The following VRK1 variants were observed in gnomAD, a reference collection of about 807,000 sequenced individuals.
VRK1 encodes VRK serine/threonine kinase 1.
VRK1 carries 33 observed loss-of-function variants against 57.1 expected under a neutral mutation model. That is an observed-to-expected ratio of 0.58 (90% CI 0.44 to 0.77). The LOEUF (loss-of-function observed/expected upper bound fraction) is 0.77. Ranked by LOEUF, VRK1 falls within the 30% of genes least tolerant of loss-of-function variation. The pLI is 0.00. For synonymous variants in VRK1, 137 were observed against 147.8 expected (o/e 0.93, Z 0.53); for missense variants, 413 against 477.3 (o/e 0.87, Z 1.25).
At chr14:96,836,491 A>G (rs1887217723) in intron 2 of VRK1, among the ~76,000 whole-genome samples, 1 of 148,174 alleles carries the variant, frequency 6.7e-6, no homozygotes, top group Non-Finnish European at 1.5e-5. Context: ...TTTTCCAAAC[A>G]TGTCAAGCAC....
intron 11 of VRK1, among the ~76,000 whole-genome samples, chr14:96,872,709 G>GT (rs1209919672): frequency 6.6e-6 from 1 of 152,014 alleles, no homozygotes; most frequent in Non-Finnish European, 1.5e-5. Context: ...CCTAGCTTCA[G>GT]TTTTTTCTGT....
chr14:96,847,588 A>G (rs142433665), intron 5 of VRK1, among the ~76,000 whole-genome samples: 174 of 152,302 alleles, frequency 1.1e-3, no homozygotes, highest in African/African-American at 4.0e-3. Context: ...GCAGAGCAGT[A>G]TCAACTGACT....
intron 12 of VRK1, among the ~76,000 whole-genome samples, chr14:96,878,576 G>A (rs1350601822): frequency 2.0e-5 from 3 of 152,154 alleles, no homozygotes; most frequent in South Asian, 4.1e-4. Flanking sequence ...TTTTAAAAAT[G>A]TGTATAATTT....
At chr14:96,856,704 C>G in intron 10 of VRK1, 118 bp downstream of exon 10, 1 of 871,816 alleles carries the variant, frequency 1.1e-6, no homozygotes, top group Non-Finnish European at 1.9e-6. Flanking sequence ...CATGGTGGCT[C>G]ACACCTGTAA....
intron 11 of VRK1, among the ~76,000 whole-genome samples, chr14:96,874,672 G>A (rs1171862135): frequency 6.6e-6 from 1 of 152,192 alleles, no homozygotes; most frequent in African/African-American, 2.4e-5. Context: ...AACATGGTGG[G>A]TATCTCTGAG....
intron 1 of VRK1, among the ~76,000 whole-genome samples, chr14:96,818,903 G>T (rs565150003): frequency 6.6e-6 from 1 of 152,310 alleles, no homozygotes; most frequent in African/African-American, 2.4e-5. Flanking sequence ...TCACTGGGAA[G>T]TGGCTTTATA....
At chr14:96,863,695 C>T (rs1312380971) in intron 11 of VRK1, among the ~76,000 whole-genome samples, 1 of 152,084 alleles carries the variant, frequency 6.6e-6, no homozygotes, top group Non-Finnish European at 1.5e-5. Context: ...TTCTTTCCTT[C>T]TCTATTTTAC....
intron 10 of VRK1, among the ~76,000 whole-genome samples, chr14:96,857,213 C>T (rs1888198144): frequency 6.6e-6 from 1 of 151,354 alleles, no homozygotes. Context: ...TTATATGTTC[C>T]CCCTGGTTAG....
intron 1 of VRK1, among the ~76,000 whole-genome samples, chr14:96,808,924 T>C (rs968298397): frequency 2.6e-5 from 4 of 152,220 alleles, no homozygotes; most frequent in Admixed American, 6.5e-5. Context: ...CCTACAATGC[T>C]TGGGGTCTAG....
chr14:96,799,278 A>G (rs988888372), intron 1 of VRK1, among the ~76,000 whole-genome samples: 2 of 152,236 alleles, frequency 1.3e-5, no homozygotes, highest in African/African-American at 2.4e-5. Context: ...AATGCATTCA[A>G]AATGTTGACA....
chr14:96,821,487 C>T (rs1886595308), intron 1 of VRK1, among the ~76,000 whole-genome samples: 1 of 152,110 alleles, frequency 6.6e-6, no homozygotes, highest in South Asian at 2.1e-4. Flanking sequence ...TTATTCTATA[C>T]CCCTCTGTTT....
intron 11 of VRK1, among the ~76,000 whole-genome samples, chr14:96,861,754 T>C (rs1456535846): frequency 1.3e-5 from 2 of 152,196 alleles, no homozygotes; most frequent in African/African-American, 2.4e-5. Context: ...CATCTACATA[T>C]ACTTTTTTTT....
At chr14:96,825,607 T>C (rs1301066134) in intron 1 of VRK1, among the ~76,000 whole-genome samples, 1 of 152,234 alleles carries the variant, frequency 6.6e-6, no homozygotes, top group East Asian at 1.9e-4. Context: ...GTACTGAAAC[T>C]TCAGGTCATA....
At chr14:96,799,564 A>G (rs1218086315) in intron 1 of VRK1, among the ~76,000 whole-genome samples, 2 of 152,258 alleles carry the variant, frequency 1.3e-5, no homozygotes, top group African/African-American at 4.8e-5. Context: ...GCGAAGCTTT[A>G]AGATTTACCT....
rs752367381 is a variant in VRK1, at chr14:96,856,262, CTTAAG to C, written c.830+16_830+20del. 23 of 1,611,766 alleles carry C rather than the reference CTTAAG, an allele frequency of 1.4e-5. No homozygotes were observed. In the African/African-American group the frequency reaches 2.9e-4, roughly 21 times the overall value. On this transcript the variant is annotated intron_variant, in intron 9 of 12. Coordinates refer to ENST00000216639, the MANE Select transcript of VRK1 (RefSeq NM_003384.3). Reference sequence around the variant, plus strand: ...GATTCCAAAATTAGGTAAAGGAAAACTTAAGTTATTTCTAGCAAAATCATGATAAG... The same window carrying C: ...GATTCCAAAATTAGGTAAAGGAAAACTTATTTCTAGCAAAATCATGATAAG...
At chr14:96,825,798 C>T (rs1262723627) in intron 1 of VRK1, among the ~76,000 whole-genome samples, 1 of 152,112 alleles carries the variant, frequency 6.6e-6, no homozygotes, top group Non-Finnish European at 1.5e-5. Flanking sequence ...CAGAGTGTCT[C>T]TATACAGTGT....
In VRK1 at chr14:96,855,083, G is replaced by A. The variant is rs1888098311; in HGVS notation, c.577-141G>A. ...AGTATTTGCTGTTGTTTGCATTTTG[G>A]ATCTAAATTGTTTGGAGTGTTATGG... On this transcript the variant is annotated intron_variant, in intron 7 of 12. Transcript: ENST00000216639. 12 of 1,167,674 alleles carry A rather than the reference G, an allele frequency of 1.0e-5. No individual in the cohort carries two copies. In the South Asian group the frequency reaches 1.4e-4, roughly 14 times the overall value. 72.3% of individuals were successfully genotyped at this position (1,167,674 alleles called of 1,614,324 possible).
intron 1 of VRK1, among the ~76,000 whole-genome samples, chr14:96,818,977 A>C (rs1320718556): frequency 6.6e-6 from 1 of 152,242 alleles, no homozygotes; most frequent in African/African-American, 2.4e-5. Context: ...GCATTAATCA[A>C]CTTCTGATTA....
intron 1 of VRK1, 121 bp from the exon 2 acceptor site, chr14:96,833,346 T>G (rs1887085878): frequency 9.0e-7 from 1 of 1,111,110 alleles, no homozygotes; most frequent in Admixed American, 2.2e-5. Flanking sequence ...CAGGTATCCT[T>G]TAAGTTTTGG....
Sources: allele counts gnomAD v4.1 joint callset (sites outside exome capture counted in the v4.1 genomes callset), GRCh38; gene constraint gnomAD v4.1.1; transcripts MANE v1.5; gene names NCBI Gene and HGNC (gene_info 2026-07-23, HGNC 2026-07-21).